Variants in POFUT3 observed in about 807,000 individuals in gnomAD.
POFUT3 encodes protein O-fucosyltransferase 3.
At chr8:33,402,162 T>C in the POFUT3 span, among the ~76,000 whole-genome samples, 6 of 152,254 alleles carry the variant, frequency 3.9e-5, no homozygotes, top group Non-Finnish European at 8.8e-5. Flanking sequence ...TCCATGTGTC[T>C]GCCCCAGACC....
At chr8:33,469,138 TCTACTAAAAATACAAAAATTAG>T in the POFUT3 span, among the ~76,000 whole-genome samples, 1 of 152,010 alleles carries the variant, frequency 6.6e-6, no homozygotes, top group Non-Finnish European at 1.5e-5. Flanking sequence ...AAACCCCGTC[TCTACTAAAAATACAAAAATTAG>T]CTGGGTGTGG....
the POFUT3 span, among the ~76,000 whole-genome samples, chr8:33,455,280 A>G: frequency 2.6e-5 from 4 of 152,192 alleles, no homozygotes; most frequent in Non-Finnish European, 4.4e-5. Flanking sequence ...GTCACTGGAC[A>G]GCTTGGACAT....
the POFUT3 span, among the ~76,000 whole-genome samples, chr8:33,332,287 C>T: frequency 6.6e-6 from 1 of 150,904 alleles, no homozygotes; most frequent in East Asian, 2.0e-4. Flanking sequence ...AGTTCGAGAC[C>T]TGCCTGGCCA....
chr8:33,381,470 G>A, the POFUT3 span, among the ~76,000 whole-genome samples: 4 of 152,136 alleles, frequency 2.6e-5, no homozygotes, highest in African/African-American at 9.7e-5. Flanking sequence ...CATGATACAG[G>A]AAGTATAAGA....
the POFUT3 span, chr8:33,389,240 G>A: frequency 1.2e-6 from 2 of 1,614,142 alleles, no homozygotes; most frequent in East Asian, 2.2e-5. Flanking sequence ...AAGCCAGTCT[G>A]TGATGCTGGG....
the POFUT3 span, among the ~76,000 whole-genome samples, chr8:33,468,433 G>A: frequency 6.6e-6 from 1 of 151,978 alleles, no homozygotes; most frequent in East Asian, 1.9e-4. Flanking sequence ...ACCAAGGAGA[G>A]TTTTTAGAAG....
chr8:33,344,682 T>C, the POFUT3 span, among the ~76,000 whole-genome samples: 1 of 152,214 alleles, frequency 6.6e-6, no homozygotes, highest in Admixed American at 6.5e-5. Context: ...AGACGAAGGT[T>C]GTGATACAGA....
the POFUT3 span, among the ~76,000 whole-genome samples, chr8:33,466,380 G>C: frequency 6.6e-6 from 1 of 152,058 alleles, no homozygotes; most frequent in Non-Finnish European, 1.5e-5. Flanking sequence ...ACTGAGCCAT[G>C]ATTATGCCAC....
At chr8:33,389,044 G>A in the POFUT3 span, 14,206 of 1,614,086 alleles carry the variant, frequency 8.8e-3, 999 homozygotes, top group African/African-American at 0.16. Flanking sequence ...CCTGGTTGAC[G>A]TCTTGCACTC....
At chr8:33,320,293 A>T in the POFUT3 span, among the ~76,000 whole-genome samples, 1 of 152,226 alleles carries the variant, frequency 6.6e-6, no homozygotes, top group Non-Finnish European at 1.5e-5. Context: ...AGAACAAAAT[A>T]AAGTTATGAT....
the POFUT3 span, among the ~76,000 whole-genome samples, chr8:33,402,013 G>A: frequency 3.3e-5 from 5 of 151,760 alleles, no homozygotes; most frequent in East Asian, 1.9e-4. Flanking sequence ...GTGACAGAAC[G>A]AGATCCTGTC....
At chr8:33,391,303 G>C in the POFUT3 span, among the ~76,000 whole-genome samples, 6 of 152,190 alleles carry the variant, frequency 3.9e-5, no homozygotes, top group South Asian at 6.2e-4. Flanking sequence ...TAAGCACAGA[G>C]AAATTGCTGA....
chr8:33,394,079 G>A, the POFUT3 span: 1 of 155,654 alleles, frequency 6.4e-6, no homozygotes, highest in African/African-American at 2.4e-5. Flanking sequence ...CAGATATTCA[G>A]GAGGCTGAGG....
chr8:33,453,975 A>C, the POFUT3 span, among the ~76,000 whole-genome samples: 2 of 152,082 alleles, frequency 1.3e-5, no homozygotes, highest in Non-Finnish European at 2.9e-5. Context: ...AAAGAAAAAA[A>C]AATTGGCCGG....
the POFUT3 span, among the ~76,000 whole-genome samples, chr8:33,412,315 G>T: frequency 6.6e-6 from 1 of 152,126 alleles, no homozygotes; most frequent in African/African-American, 2.4e-5. Context: ...AGCAAAAGCA[G>T]AAAAAGGCCT....
At chr8:33,453,396 C>G in the POFUT3 span, 1 of 1,614,042 alleles carries the variant, frequency 6.2e-7, no homozygotes. Flanking sequence ...GTCAATCCTT[C>G]TTTCTTAAGA....
the POFUT3 span, among the ~76,000 whole-genome samples, chr8:33,374,393 CA>C: frequency 6.6e-6 from 1 of 152,124 alleles, no homozygotes; most frequent in Non-Finnish European, 1.5e-5. Flanking sequence ...GGACATTCTA[CA>C]AAATACTGAC....
the POFUT3 span, among the ~76,000 whole-genome samples, chr8:33,408,659 C>T: frequency 6.6e-6 from 1 of 152,088 alleles, no homozygotes; most frequent in Non-Finnish European, 1.5e-5. Flanking sequence ...AATAGAGGAA[C>T]CTCAGAAACA....
chr8:33,423,085 G>A, the POFUT3 span, among the ~76,000 whole-genome samples: 5 of 152,140 alleles, frequency 3.3e-5, no homozygotes, highest in African/African-American at 7.2e-5. Flanking sequence ...CCAAAGTGCC[G>A]GGATTACAAG....
Sources: allele counts gnomAD v4.1 joint callset (sites outside exome capture counted in the v4.1 genomes callset), GRCh38; gene constraint gnomAD v4.1.1; transcripts MANE v1.5; gene names NCBI Gene and HGNC (gene_info 2026-07-23, HGNC 2026-07-21).